AFF3: variants seen among roughly 807,000 people sequenced by gnomAD.
AFF3 encodes the protein ALF transcription elongation factor 3, also known as AF4/FMR2 family member 3.
Under a neutral mutation model 129.7 loss-of-function variants are expected in AFF3, and 32 were observed. The observed-to-expected ratio is 0.25, with a 90% CI of 0.19 to 0.33. AFF3 has a LOEUF of 0.33. Ranked by LOEUF, AFF3 falls within the 10% of genes least tolerant of loss-of-function variation. The pLI, the probability that AFF3 is intolerant of heterozygous loss-of-function variation, is 1.00. For synonymous variants in AFF3, 644 were observed against 635.4 expected, an observed-to-expected ratio of 1.01 and a Z score of -0.20; for missense variants, 1,373 against 1,592.0, an observed-to-expected ratio of 0.86 and a Z score of 2.34.
chr2:99,591,570 C>A (rs1384119747), intron 15 of AFF3, among the ~76,000 whole-genome samples: 1 of 152,194 alleles, frequency 6.6e-6, no homozygotes, highest in Non-Finnish European at 1.5e-5. Context: ...TGAGTGCCTT[C>A]TCCATGCGCA....
intron 11 of AFF3, among the ~76,000 whole-genome samples, chr2:99,689,776 C>G (rs967507427): frequency 2.0e-4 from 30 of 150,482 alleles, no homozygotes; most frequent in Admixed American, 2.0e-3. Flanking sequence ...TAAAATACAT[C>G]TGGAGTGGGC....
In AFF3 at chr2:99,548,584, A is replaced by C; in HGVS notation, c.*2890T>G. The C allele has an allele frequency of 5.0e-6, 1 of 199,162 alleles. No homozygotes were observed. The highest frequency in any genetic ancestry group is 1.0e-5 in the Non-Finnish European group (1 of 96,486). The allele number at this position is 199,162 out of a possible 1,614,324, so 12.3% of individuals were successfully genotyped here. ...AGACCCCCATCTCTACAAAAAAAAT[A>C]AAGAAAAAATTAGCCGGGTGTGGTG... On this transcript the variant is annotated 3_prime_UTR_variant, in exon 25 of 25. Coordinates refer to ENST00000672756, the MANE Select transcript of AFF3 (RefSeq NM_001386135.1).
intron 17 of AFF3, among the ~76,000 whole-genome samples, chr2:99,581,549 C>T (rs549506024): frequency 1.9e-4 from 28 of 150,062 alleles, no homozygotes; most frequent in Non-Finnish European, 2.5e-4. Flanking sequence ...GACAGAGTCT[C>T]GCTCTGTCAC....
At chr2:100,063,473 A>G in intron 4 of AFF3, among the ~76,000 whole-genome samples, 1 of 152,196 alleles carries the variant, frequency 6.6e-6, no homozygotes, top group East Asian at 1.9e-4. Flanking sequence ...TAAAATAAAA[A>G]CTATGATTAT....
chr2:99,798,413 G>A (rs564562799), intron 8 of AFF3, among the ~76,000 whole-genome samples: 27 of 151,804 alleles, frequency 1.8e-4, no homozygotes, highest in African/African-American at 2.4e-4. Flanking sequence ...TTATTGATAC[G>A]GTTAGGATTG....
intron 7 of AFF3, among the ~76,000 whole-genome samples, chr2:99,892,540 T>TC (rs1270434914): frequency 3.3e-5 from 5 of 152,204 alleles, no homozygotes; most frequent in African/African-American, 1.2e-4. Context: ...TTTTAATCTG[T>TC]CTCCCAGGAT....
chr2:100,106,532 A>C (rs1691308966), intron 2 of AFF3: 2 of 998,760 alleles, frequency 2.0e-6, no homozygotes, highest in African/African-American at 3.5e-5. Flanking sequence ...CGAGACATTG[A>C]GACAGCATTC....
chr2:100,050,636 G>A (rs1382586008), intron 4 of AFF3, among the ~76,000 whole-genome samples: 1 of 152,184 alleles, frequency 6.6e-6, no homozygotes, highest in South Asian at 2.1e-4. Flanking sequence ...ACAGCACTGT[G>A]CACAAGTGTG....
intron 2 of AFF3, among the ~76,000 whole-genome samples, chr2:100,113,685 C>G (rs919173715): frequency 3.9e-5 from 6 of 152,148 alleles, no homozygotes; most frequent in African/African-American, 1.4e-4. Context: ...CCAAGGCACT[C>G]CTAAAGGGCT....
intron 4 of AFF3, among the ~76,000 whole-genome samples, chr2:100,084,277 C>A (rs1451809897): frequency 6.6e-6 from 1 of 152,248 alleles, no homozygotes. Context: ...CATAGCTAAA[C>A]ACATTGTGCA....
chr2:99,811,541 T>A (rs928515723), intron 8 of AFF3, among the ~76,000 whole-genome samples: 1 of 152,168 alleles, frequency 6.6e-6, no homozygotes, highest in Non-Finnish European at 1.5e-5. Context: ...CATATTGACA[T>A]ATGTTGCCAA....
At chr2:99,941,885 A>AC (rs1219284358) in intron 7 of AFF3, among the ~76,000 whole-genome samples, 1 of 152,308 alleles carries the variant, frequency 6.6e-6, no homozygotes, top group Non-Finnish European at 1.5e-5. Context: ...TGCAGTGCCT[A>AC]CCTCTATACT....
chr2:99,577,603 T>C (rs1432774690), intron 18 of AFF3, among the ~76,000 whole-genome samples: 1 of 152,244 alleles, frequency 6.6e-6, no homozygotes, highest in Non-Finnish European at 1.5e-5. Flanking sequence ...TTGACGCCCG[T>C]AGGACTGCTA....
At chr2:100,052,896 T>A (rs575377412) in intron 4 of AFF3, among the ~76,000 whole-genome samples, 8 of 152,308 alleles carry the variant, frequency 5.3e-5, no homozygotes, top group African/African-American at 1.9e-4. Context: ...GAGGCTCTTA[T>A]CAGTGATTTT....
chr2:100,060,260 G>A (rs1687160678), intron 4 of AFF3, among the ~76,000 whole-genome samples: 1 of 152,208 alleles, frequency 6.6e-6, no homozygotes, highest in Non-Finnish European at 1.5e-5. Context: ...GCCTATGCCA[G>A]ATAAGCTTTA....
intron 12 of AFF3, among the ~76,000 whole-genome samples, chr2:99,664,498 A>G (rs2104363593): frequency 6.6e-6 from 1 of 152,382 alleles, no homozygotes; most frequent in Non-Finnish European, 1.5e-5. Context: ...AAGGGGCTAT[A>G]GACATTTCCA....
intron 4 of AFF3, among the ~76,000 whole-genome samples, chr2:100,092,190 G>A (rs190275008): frequency 2.0e-3 from 306 of 152,054 alleles, no homozygotes; most frequent in African/African-American, 7.0e-3. Context: ...AAATCCAAAG[G>A]GTTCCTCTTT....
intron 4 of AFF3, among the ~76,000 whole-genome samples, chr2:100,042,393 C>T (rs1347086492): frequency 6.6e-6 from 1 of 152,036 alleles, no homozygotes; most frequent in African/African-American, 2.4e-5. Context: ...TCTGATTATC[C>T]GGACCACAAA....
chr2:99,832,055 G>C (rs1372085897), intron 8 of AFF3, among the ~76,000 whole-genome samples: 1 of 152,208 alleles, frequency 6.6e-6, no homozygotes, highest in South Asian at 2.1e-4. Context: ...GTGTAGTGCT[G>C]AAGTTCTCCA....
Sources: allele counts gnomAD v4.1 joint callset (sites outside exome capture counted in the v4.1 genomes callset), GRCh38; gene constraint gnomAD v4.1.1; transcripts MANE v1.5; gene names NCBI Gene and HGNC (gene_info 2026-07-23, HGNC 2026-07-21).